GOLM2: variants seen among roughly 807,000 people sequenced by gnomAD.
GOLM2 encodes protein GOLM2.
Under a neutral mutation model 55.9 loss-of-function variants are expected in GOLM2, and 26 were observed. That is an observed-to-expected ratio of 0.47 (90% CI 0.34 to 0.65). The LOEUF is 0.65. Among genes scored for constraint, GOLM2 ranks in the 30% least tolerant of loss-of-function variants. GOLM2 has a pLI of 0.01. For synonymous variants in GOLM2, 165 were observed against 194.6 expected (o/e 0.85, Z 1.27); for missense variants, 486 against 531.8 (o/e 0.91, Z 0.85).
intron 6 of GOLM2, among the ~76,000 whole-genome samples, chr15:44,373,836 C>A (rs1002251007): frequency 1.3e-5 from 2 of 152,076 alleles, no homozygotes; most frequent in Non-Finnish European, 2.9e-5. Flanking sequence ...TGCGATGGCT[C>A]ACACCTATAA....
chr15:44,328,206 ATGGTGGCTT>A (rs1439755004), intron 2 of GOLM2, among the ~76,000 whole-genome samples: 1 of 152,248 alleles, frequency 6.6e-6, no homozygotes, highest in Non-Finnish European at 1.5e-5. Context: ...CCGGTCAGGC[ATGGTGGCTT>A]ATGCCTTTAA....
chr15:44,292,968 C>T (rs192423442), intron 1 of GOLM2, among the ~76,000 whole-genome samples: 122 of 152,216 alleles, frequency 8.0e-4, no homozygotes, highest in African/African-American at 2.7e-3. Context: ...GTGCATGCCA[C>T]CATGATGGTC....
Position 44,384,907 on chromosome 15 carries a change from TA to T in GOLM2, c.1072+3948del, listed in dbSNP as rs137866986. On this transcript the variant is annotated intron_variant, in intron 8 of 9. Transcript: ENST00000299957. ...CTGGCAACAGAGCGAGACTGCATCT[TA>T]AAAAAAAAAAAAAAAATCATACAGT... 9.3e-3 allele frequency among the ~76,000 whole-genome samples: 1,306 copies of T among 140,542 alleles called. 3 individuals carry two copies. The highest frequency in any genetic ancestry group is 0.012 in the African/African-American group (464 of 38,404). The allele number at this position is 140,542 out of a possible 152,430, so 92.2% of individuals were successfully genotyped here.
At chr15:44,290,934 G>T (rs2078716680) in intron 1 of GOLM2, among the ~76,000 whole-genome samples, 1 of 152,004 alleles carries the variant, frequency 6.6e-6, no homozygotes, top group Non-Finnish European at 1.5e-5. Context: ...CTCCTGAGTA[G>T]CTGGGATTAC....
Position 44,379,722 on chromosome 15 carries a change from C to G in GOLM2, c.835C>G (p.His279Asp), listed in dbSNP as rs147833881. 6.8e-7 allele frequency: 1 copy of G among 1,469,246 alleles called. No homozygotes were observed. The highest frequency in any genetic ancestry group is 9.2e-7 in the Non-Finnish European group (1 of 1,087,960). The allele number at this position is 1,469,246 out of a possible 1,614,324, so 91.0% of individuals were successfully genotyped here. Residue 279 changes from histidine (H) to aspartate (D), a missense_variant, in exon 7 of 10, where the codon CAT becomes GAT. Transcript: ENST00000299957. ...LRKPPISVSQHESHQAISHLP... is the reference protein window; with the variant it reads ...LRKPPISVSQDESHQAISHLP... ...GAAGCCTCCTATTTCAGTTTCTCAA[C>G]ATGAAAGTCATCAAGCAATCTCCCA...
intron 6 of GOLM2, among the ~76,000 whole-genome samples, chr15:44,339,393 C>A (rs762843112): frequency 6.6e-6 from 1 of 151,990 alleles, no homozygotes; most frequent in South Asian, 2.1e-4. Flanking sequence ...GGCTGGAGTG[C>A]GGTGGCGTGA....
chr15:44,368,497 T>C (rs974579201), intron 6 of GOLM2, among the ~76,000 whole-genome samples: 10 of 152,020 alleles, frequency 6.6e-5, no homozygotes, highest in Admixed American at 4.6e-4. Context: ...TCCTTCAGTT[T>C]GTTTAATGTC....
At chr15:44,330,109 A>G (rs2141138195) in intron 3 of GOLM2, among the ~76,000 whole-genome samples, 1 of 142,086 alleles carries the variant, frequency 7.0e-6, no homozygotes, top group African/African-American at 2.6e-5. Context: ...ACGGGCTTTC[A>G]CCGTATTAGC....
chr15:44,333,004 C>T (rs556132434), intron 4 of GOLM2, among the ~76,000 whole-genome samples: 153 of 152,224 alleles, frequency 1.0e-3, no homozygotes, highest in African/African-American at 3.6e-3. Flanking sequence ...GTGATCTCGG[C>T]TCACTGCCAG....
intron 6 of GOLM2, among the ~76,000 whole-genome samples, chr15:44,357,787 A>G (rs1278857845): frequency 6.6e-6 from 1 of 152,224 alleles, no homozygotes; most frequent in Non-Finnish European, 1.5e-5. Context: ...TTAAAAATAC[A>G]ATACCATTTA....
At chr15:44,351,576 CAAAA>C (rs1175016633) in intron 6 of GOLM2, among the ~76,000 whole-genome samples, 1 of 45,900 alleles carries the variant, frequency 2.2e-5, no homozygotes, top group South Asian at 8.8e-4. Context: ...GACTCTGTCT[CAAAA>C]AAAAAAAAAA....
chr15:44,374,420 G>A (rs1046712687), intron 6 of GOLM2, among the ~76,000 whole-genome samples: 4 of 152,102 alleles, frequency 2.6e-5, no homozygotes, highest in Middle Eastern at 3.4e-3. Context: ...AGGTCAAGGT[G>A]GGAGGATCAC....
chr15:44,369,068 TATATATATATATATATATATATA>T (rs2079307526), intron 6 of GOLM2, among the ~76,000 whole-genome samples: 9 of 5,834 alleles, frequency 1.5e-3, no homozygotes, highest in African/African-American at 4.0e-3. Flanking sequence ...TAGGATATAT[TATATATATATATATATATATATA>T]TATATATATA....
At chr15:44,398,918 TC>T (rs2079545304) in intron 8 of GOLM2, among the ~76,000 whole-genome samples, 1 of 151,954 alleles carries the variant, frequency 6.6e-6, no homozygotes. Context: ...TCCACCCACC[TC>T]GGCCTCCCAA....
intron 6 of GOLM2, among the ~76,000 whole-genome samples, chr15:44,375,565 C>G (rs2079359020): frequency 1.3e-5 from 2 of 151,774 alleles, no homozygotes; most frequent in Admixed American, 6.6e-5. Flanking sequence ...TGGCTGGAGC[C>G]TGGGAGTTCC....
chr15:44,290,715 T>C (rs2078714763), intron 1 of GOLM2, among the ~76,000 whole-genome samples: 1 of 152,234 alleles, frequency 6.6e-6, no homozygotes, highest in South Asian at 2.1e-4. Context: ...TTCTTCTCTC[T>C]GGTCTCAAAG....
chr15:44,291,963 T>C (rs2078723817), intron 1 of GOLM2, among the ~76,000 whole-genome samples: 1 of 152,154 alleles, frequency 6.6e-6, no homozygotes, highest in African/African-American at 2.4e-5. Flanking sequence ...TATTCAATTT[T>C]GTTTAACTCA....
At chr15:44,365,042 A>C (rs2079274510) in intron 6 of GOLM2, among the ~76,000 whole-genome samples, 1 of 152,192 alleles carries the variant, frequency 6.6e-6, no homozygotes, top group South Asian at 2.1e-4. Flanking sequence ...CTTGGTATCT[A>C]TCAAAAAGAG....
At position 44,304,220 on chromosome 15, in the gene GOLM2, G is replaced by A. The variant is rs1355034415; in HGVS notation, c.327+14864G>A. On this transcript the variant is annotated intron_variant, in intron 1 of 9. Coordinates refer to ENST00000299957, the MANE Select transcript of GOLM2 (RefSeq NM_138423.4). ...TTGCAGTAATTCAGTCACGTCTTCAGGCTCCACTTCTTTTTTTTTTTTTTT... is the reference window on the plus strand; with the variant it reads ...TTGCAGTAATTCAGTCACGTCTTCAAGCTCCACTTCTTTTTTTTTTTTTTT... Among the ~76,000 whole-genome samples the A allele has an allele frequency of 2.1e-5, 3 of 144,134 alleles. No homozygotes were observed. In the East Asian group the frequency reaches 6.6e-4, roughly 32 times the overall value. The allele number at this position is 144,134 out of a possible 152,430, so 94.6% of individuals were successfully genotyped here. A position where few individuals can be genotyped will look rare whatever the true frequency, so the allele number is the denominator to read the frequency against.
Sources: gnomAD v4.1 joint callset for allele counts (sites outside exome capture counted in the v4.1 genomes callset) on GRCh38, gnomAD v4.1.1 for gene constraint, MANE v1.5 for transcripts, NCBI Gene and HGNC (gene_info 2026-07-23, HGNC 2026-07-21) for gene names.